The following DCLRE1C variants were observed in gnomAD, a reference collection of about 807,000 sequenced individuals.
DCLRE1C encodes the protein protein artemis.
A neutral mutation model predicts 61.4 loss-of-function variants in DCLRE1C; 47 were observed. That is an observed-to-expected ratio of 0.77 (90% confidence interval 0.61 to 0.98). DCLRE1C has a LOEUF of 0.98. Ranked by LOEUF, DCLRE1C falls within the 50% of genes least tolerant of loss-of-function variation. The probability of loss-of-function intolerance (pLI) is 0.00; values close to 1 mark genes in which losing one functional copy is unlikely to be tolerated. For synonymous variants in DCLRE1C, 337 were observed against 287.6 expected (o/e 1.17, Z -1.74); for missense variants, 858 against 816.0 (o/e 1.05, Z -0.63).
At position 14,915,408 on chromosome 10, in the gene DCLRE1C, A is replaced by C. The variant is rs529560282; in HGVS notation, c.1156+4330T>G. 6.6e-5 allele frequency among the ~76,000 whole-genome samples: 10 copies of C among 152,204 alleles called. No homozygotes were observed. In the East Asian group the frequency reaches 1.9e-3, roughly 29 times the overall value. On this transcript the variant is annotated intron_variant, in intron 13 of 13. Transcript: ENST00000378278. ...TGGTAAACCTCTAGCTAGACTAATC[A>C]AGAAAAAAATGAGAGAAGACACAAA...
chr10:14,930,946 T>A (rs141460879), intron 9 of DCLRE1C, among the ~76,000 whole-genome samples: 39 of 152,320 alleles, frequency 2.6e-4, no homozygotes, highest in African/African-American at 9.4e-4. Context: ...TTCCATGCTG[T>A]GGATCAGAAT....
chr10:14,937,899 A>C (rs1840222983), intron 4 of DCLRE1C, among the ~76,000 whole-genome samples: 1 of 151,110 alleles, frequency 6.6e-6, no homozygotes, highest in African/African-American at 2.4e-5. Context: ...GTCTCAAAAA[A>C]AAAAAAAAAA....
Position 14,928,143 on chromosome 10 carries a change from A to G in DCLRE1C, c.790T>C (p.Tyr264His). The G allele has an allele frequency of 6.2e-7, 1 of 1,613,420 alleles. No individual in the cohort carries two copies. Among genetic ancestry groups the G allele is most frequent in the Non-Finnish European group, 8.5e-7 (1 of 1,179,584 alleles). Residue 264 changes from tyrosine (Y) to histidine (H), a missense_variant, in exon 10 of 14, where the codon TAT becomes CAT. By Grantham distance (83) the Tyr-to-His change is moderately conservative. Around this residue, in one of 2 missense-constraint regions of DCLRE1C, gnomAD observed 843 missense variants for 783.5 expected, o/e 1.08. Coordinates refer to ENST00000378278, the MANE Select transcript of DCLRE1C (RefSeq NM_001033855.3). ...HACRHPKAEE[Y>H]FQWSKLPCGI... ...CAGGGTAATTTGCTCCACTGAAAATATTCCTCTGCCTAAAAAAGATAAAAA... is the reference window on the plus strand; with the variant it reads ...CAGGGTAATTTGCTCCACTGAAAATGTTCCTCTGCCTAAAAAAGATAAAAA...
chr10:14,939,011 G>A (rs967229422), intron 4 of DCLRE1C, among the ~76,000 whole-genome samples: 22 of 152,222 alleles, frequency 1.4e-4, no homozygotes, highest in Non-Finnish European at 2.9e-4. Context: ...TTTATTAGGA[G>A]GCTTTTGGGA....
In DCLRE1C at chr10:14,931,139, C is replaced by G. The variant is rs147490860; in HGVS notation, c.780+1715G>C. Among the ~76,000 whole-genome samples the G allele has an allele frequency of 2.0e-5, 3 of 152,274 alleles. No homozygotes were observed. The East Asian group carries it at 5.8e-4, about 29-fold the overall frequency. On this transcript the variant is annotated intron_variant, in intron 9 of 13. Coordinates refer to ENST00000378278, the MANE Select transcript of DCLRE1C (RefSeq NM_001033855.3). ...TAGAGAAAAATAATGATCACTCAAACCACTACATTTAAAGATCACTAATTA... is the reference window on the plus strand; with the variant it reads ...TAGAGAAAAATAATGATCACTCAAAGCACTACATTTAAAGATCACTAATTA...
chr10:14,904,135 T>G (rs1317829758), downstream of DCLRE1C: 1 of 151,880 alleles, frequency 6.6e-6, no homozygotes, highest in East Asian at 1.9e-4. Context: ...TGAAACCCTG[T>G]CTCTACTGAA....
Position 14,922,968 on chromosome 10 carries a change from A to C in DCLRE1C, c.1061+13T>G. The C allele has an allele frequency of 1.2e-6, 2 of 1,603,450 alleles. No homozygotes were observed. The highest frequency in any genetic ancestry group is 1.7e-6 in the Non-Finnish European group (2 of 1,170,176). ...AAGGGGGACACCAAGTCCCACAACC[A>C]GTGACTACTCACATTTCGACAACTT... On this transcript the variant is annotated intron_variant, in intron 12 of 13. Transcript: ENST00000378278.
At chr10:14,915,963 T>C (rs572040373) in intron 13 of DCLRE1C, among the ~76,000 whole-genome samples, 3 of 152,280 alleles carry the variant, frequency 2.0e-5, no homozygotes, top group African/African-American at 7.2e-5. Context: ...CAAAAATCAG[T>C]GTATGTCACC....
rs41298900 is a variant in DCLRE1C at position 14,926,742 on chromosome 10, T to A, written c.972+101A>T. 2,480 of 882,612 alleles carry A rather than the reference T, an allele frequency of 2.8e-3. 37 individuals carry two copies. In the African/African-American group the frequency reaches 0.033, roughly 12 times the overall value. 54.7% of individuals were successfully genotyped at this position (882,612 alleles called of 1,614,324 possible). On this transcript the variant is annotated intron_variant, in intron 11 of 13. Coordinates refer to ENST00000378278, the MANE Select transcript of DCLRE1C (RefSeq NM_001033855.3). ...AAACTAAAAGGAAATGAAACTTACA[T>A]AGAAACAGAGATGCTTCTGAGAGTC...
intron 2 of DCLRE1C, among the ~76,000 whole-genome samples, chr10:14,946,071 G>T (rs113087568): frequency 6.7e-6 from 1 of 149,398 alleles, no homozygotes; most frequent in African/African-American, 2.5e-5. Context: ...GCGGTGGCGC[G>T]ATCTCGGCTC....
intron 1 of DCLRE1C, among the ~76,000 whole-genome samples, chr10:14,950,508 C>A (rs908899727): frequency 3.9e-5 from 6 of 152,136 alleles, no homozygotes; most frequent in Non-Finnish European, 7.4e-5. Flanking sequence ...GCAGAGCAGT[C>A]ACCACATGTC....
chr10:14,916,872 AC>A (rs751970067), intron 13 of DCLRE1C, among the ~76,000 whole-genome samples: 2 of 152,202 alleles, frequency 1.3e-5, no homozygotes, highest in Non-Finnish European at 2.9e-5. Flanking sequence ...CCTCATCAAA[AC>A]CTCAGGAGAG....
upstream of DCLRE1C, chr10:14,954,183 G>T (rs960706350): frequency 3.5e-6 from 4 of 1,149,892 alleles, no homozygotes; most frequent in Non-Finnish European, 5.0e-6. Context: ...AGGAGCATCC[G>T]GTCGGGTTCT....
intron 13 of DCLRE1C, chr10:14,899,538 G>T (rs1245152662): frequency 6.2e-7 from 1 of 1,612,818 alleles, no homozygotes; most frequent in South Asian, 1.1e-5. Flanking sequence ...TTTCTGTTTA[G>T]GTAATCACAA....
intron 9 of DCLRE1C, 70 bp downstream of exon 9, chr10:14,932,784 G>A (rs1305232362): frequency 6.4e-7 from 1 of 1,566,198 alleles, no homozygotes; most frequent in Non-Finnish European, 8.8e-7. Context: ...GCCTATAAAT[G>A]GAAGCCCTGA....
intron 13 of DCLRE1C, among the ~76,000 whole-genome samples, chr10:14,912,729 G>T (rs534826587): frequency 6.6e-6 from 1 of 152,122 alleles, no homozygotes; most frequent in East Asian, 1.9e-4. Context: ...TCGCTCTGTC[G>T]CCCACACTGG....
downstream of DCLRE1C, among the ~76,000 whole-genome samples, chr10:14,900,027 G>T (rs1360091600): frequency 6.6e-6 from 1 of 152,174 alleles, no homozygotes; most frequent in Admixed American, 6.5e-5. Context: ...ACACAGAACT[G>T]TATCTTAATG....
intron 11 of DCLRE1C, 118 bp from the exon 12 acceptor site, chr10:14,923,187 G>A: frequency 2.5e-6 from 2 of 792,858 alleles, no homozygotes; most frequent in South Asian, 2.9e-5. Flanking sequence ...GGTTCTCAAT[G>A]CTGGCTGCAC....
chr10:14,951,446 T>C lies in DCLRE1C; in HGVS notation c.110-2359A>G, dbSNP rs111990708. Among the ~76,000 whole-genome samples, 547 of 137,824 alleles carry C rather than the reference T, an allele frequency of 4.0e-3. 7 individuals are homozygous for C. Among genetic ancestry groups the C allele is most frequent in the African/African-American group, 0.014 (517 of 37,700 alleles). The allele number at this position is 137,824 out of a possible 152,430, so 90.4% of individuals were successfully genotyped here. On this transcript the variant is annotated intron_variant, in intron 1 of 13. Transcript: ENST00000378278. ...AGGAAGTGATGTGGATGGGTTTCCA[T>C]GCATTTTTTCTAGCAAAAGAGTCCA...
Sources: gnomAD v4.1 joint callset for allele counts (sites outside exome capture counted in the v4.1 genomes callset) on GRCh38, gnomAD v4.1.1 for gene constraint, gnomAD v4.1.1 regional missense constraint, MANE v1.5 for transcripts, NCBI Gene and HGNC (gene_info 2026-07-23, HGNC 2026-07-21) for gene names.